Variants in KCNMA1 observed in about 807,000 individuals in gnomAD.
The protein encoded by KCNMA1 is Calcium-activated potassium channel subunit alpha-1.
A neutral mutation model predicts 140.0 loss-of-function variants in KCNMA1; 29 were observed. The observed-to-expected ratio is 0.21, with a 90% CI of 0.15 to 0.28. KCNMA1 has a LOEUF of 0.28. Among genes scored for constraint, KCNMA1 ranks in the 10% least tolerant of loss-of-function variants. KCNMA1 has a pLI of 1.00. For missense variants in KCNMA1, 880 were observed against 1,602.2 expected, an observed-to-expected ratio of 0.55 and a Z score of 7.70; for synonymous variants, 612 against 611.9, an observed-to-expected ratio of 1.00 and a Z score of 0.00.
At chr10:76,994,427 G>A (rs2083618118) in intron 19 of KCNMA1, among the ~76,000 whole-genome samples, 1 of 152,052 alleles carries the variant, frequency 6.6e-6, no homozygotes, top group Non-Finnish European at 1.5e-5. Context: ...TAAGAGTAGA[G>A]ACTACACTAA....
intron 5 of KCNMA1, among the ~76,000 whole-genome samples, chr10:77,160,734 T>C (rs1017515633): frequency 6.6e-6 from 1 of 152,240 alleles, no homozygotes; most frequent in East Asian, 1.9e-4. Flanking sequence ...GGTTTTCACA[T>C]AGTTGAACAG....
intron 20 of KCNMA1, 89 bp downstream of exon 20, chr10:76,969,885 G>A (rs1033910867): frequency 4.9e-6 from 5 of 1,018,562 alleles, no homozygotes; most frequent in Non-Finnish European, 7.8e-6. Flanking sequence ...GGGGAGGGGA[G>A]ACTCTGGGCC....
At chr10:77,430,850 A>G (rs2154494279) in intron 1 of KCNMA1, among the ~76,000 whole-genome samples, 1 of 152,350 alleles carries the variant, frequency 6.6e-6, no homozygotes, top group African/African-American at 2.4e-5. Flanking sequence ...CCATTAAGTT[A>G]GGTGGAAGGA....
intron 25 of KCNMA1, chr10:76,901,996 A>G (rs2045669122): frequency 1.3e-5 from 2 of 152,254 alleles, no homozygotes; most frequent in Non-Finnish European, 2.9e-5. Flanking sequence ...GTGGAAAGAC[A>G]ATGCCTTTTC....
intron 3 of KCNMA1, among the ~76,000 whole-genome samples, chr10:77,245,083 A>C (rs1355351141): frequency 1.3e-5 from 2 of 152,180 alleles, no homozygotes; most frequent in Non-Finnish European, 2.9e-5. Flanking sequence ...AAAAGGAAAA[A>C]AAAAAACAGG....
Position 77,232,757 on chromosome 10 carries a change from C to G in KCNMA1, c.602+18438G>C, listed in dbSNP as rs144245113. On this transcript the variant is annotated intron_variant, in intron 3 of 27. Coordinates refer to ENST00000286628, the MANE Select transcript of KCNMA1 (RefSeq NM_001161352.2). ...TAAATCCAATGTCACAAAGGTCTAC[C>G]CCGTCTTCTCTCCTAAAAGTTTAAA... 6.1e-3 allele frequency among the ~76,000 whole-genome samples: 926 copies of G among 152,156 alleles called. 4 individuals carry two copies. The highest frequency in any genetic ancestry group is 0.021 in the African/African-American group (863 of 41,476).
chr10:77,231,705 G>A (rs1305206908), intron 3 of KCNMA1, among the ~76,000 whole-genome samples: 1 of 152,088 alleles, frequency 6.6e-6, no homozygotes, highest in African/African-American at 2.4e-5. Flanking sequence ...CTCTCCCAAG[G>A]CAGCATCCTC....
chr10:77,102,650 T>G (rs1398897031), intron 9 of KCNMA1, among the ~76,000 whole-genome samples: 2 of 152,034 alleles, frequency 1.3e-5, no homozygotes, highest in Non-Finnish European at 2.9e-5. Context: ...AAAGCAAGAG[T>G]GTTAGCTCCC....
At chr10:77,464,658 C>T (rs1603626256) in intron 1 of KCNMA1, among the ~76,000 whole-genome samples, 1 of 152,096 alleles carries the variant, frequency 6.6e-6, no homozygotes, top group Middle Eastern at 3.2e-3. Flanking sequence ...CAGAGTCACA[C>T]AGCCAGTGAG....
At chr10:77,408,390 A>G (rs1317691061) in intron 1 of KCNMA1, among the ~76,000 whole-genome samples, 1 of 143,808 alleles carries the variant, frequency 7.0e-6, no homozygotes, top group South Asian at 2.1e-4. Flanking sequence ...GTGCTCACAC[A>G]TGTGTGTGTG....
intron 1 of KCNMA1, among the ~76,000 whole-genome samples, chr10:77,438,126 T>C (rs1382789930): frequency 6.6e-6 from 1 of 152,152 alleles, no homozygotes; most frequent in Non-Finnish European, 1.5e-5. Flanking sequence ...GGTGCAATCA[T>C]AGCTCACTAC....
Position 77,218,548 on chromosome 10 carries a change from C to T in KCNMA1, c.602+32647G>A, listed in dbSNP as rs547413746. Among the ~76,000 whole-genome samples the T allele has an allele frequency of 4.7e-4, 71 of 152,240 alleles. 1 individual carries two copies. The highest frequency in any genetic ancestry group is 3.7e-3 in the South Asian group (18 of 4,824). ...TTTTCACTTGCACCCCAGTAGAAGT[C>T]TCCTCTGAGCTAAGGGTCACCACCA... On this transcript the variant is annotated intron_variant, in intron 3 of 27. Coordinates refer to ENST00000286628, the MANE Select transcript of KCNMA1 (RefSeq NM_001161352.2).
intron 9 of KCNMA1, chr10:77,090,790 A>G (rs1036068225): frequency 1.9e-6 from 1 of 522,244 alleles, no homozygotes; most frequent in African/African-American, 1.9e-5. Flanking sequence ...GGTTTTATGC[A>G]TTTAACAATA....
At chr10:77,531,089 G>A (rs962128004) in intron 1 of KCNMA1, among the ~76,000 whole-genome samples, 2 of 152,108 alleles carry the variant, frequency 1.3e-5, no homozygotes, top group Non-Finnish European at 2.9e-5. Flanking sequence ...TAGAAAAACC[G>A]AGACTTGGGG....
chr10:77,256,260 G>T (rs1406570086), intron 2 of KCNMA1, among the ~76,000 whole-genome samples: 1 of 152,154 alleles, frequency 6.6e-6, no homozygotes, highest in African/African-American at 2.4e-5. Flanking sequence ...TATGCTTTCA[G>T]CGGGTGTGTG....
intron 2 of KCNMA1, among the ~76,000 whole-genome samples, chr10:77,374,419 T>C (rs746615416): frequency 6.6e-6 from 1 of 152,204 alleles, no homozygotes. Flanking sequence ...AAAAAAACTA[T>C]TGGGGTTTCA....
At chr10:77,507,309 T>G (rs1402390068) in intron 1 of KCNMA1, among the ~76,000 whole-genome samples, 2 of 151,998 alleles carry the variant, frequency 1.3e-5, no homozygotes, top group African/African-American at 4.8e-5. Context: ...CTTAAAATGT[T>G]GTATTGCGTA....
chr10:77,255,419 G>A (rs190798999), intron 2 of KCNMA1, among the ~76,000 whole-genome samples: 1 of 152,138 alleles, frequency 6.6e-6, no homozygotes, highest in African/African-American at 2.4e-5. Context: ...GTCCAACACA[G>A]TGAAACCCTG....
intron 3 of KCNMA1, among the ~76,000 whole-genome samples, chr10:77,189,848 C>T (rs578179057): frequency 9.9e-5 from 15 of 152,238 alleles, no homozygotes; most frequent in Non-Finnish European, 1.9e-4. Flanking sequence ...CCTAGTCTCA[C>T]CTCTGCAATG....
Sources: gnomAD v4.1 joint callset for allele counts (sites outside exome capture counted in the v4.1 genomes callset) on GRCh38, gnomAD v4.1.1 for gene constraint, MANE v1.5 for transcripts, NCBI Gene and HGNC (gene_info 2026-07-23, HGNC 2026-07-21) for gene names.